The following CDH4 variants were observed in gnomAD, a reference collection of about 807,000 sequenced individuals.
CDH4 encodes the protein cadherin-4.
In CDH4, 33 loss-of-function variants were observed where a neutral mutation model predicts 86.0. The ratio of observed to expected loss-of-function variants is 0.38; its 90% CI spans 0.29 to 0.51. The LOEUF (loss-of-function observed/expected upper bound fraction) is 0.51. Ranked by LOEUF, CDH4 falls within the 20% of genes least tolerant of loss-of-function variation. The pLI, the probability that CDH4 is intolerant of heterozygous loss-of-function variation, is 0.86. For synonymous variants in CDH4, 555 were observed against 549.4 expected (o/e 1.01, Z -0.14); for missense variants, 1,114 against 1,307.4 (o/e 0.85, Z 2.28).
At chr20:61,481,054 T>G (rs894281399) in intron 2 of CDH4, among the ~76,000 whole-genome samples, 9 of 152,208 alleles carry the variant, frequency 5.9e-5, no homozygotes, top group African/African-American at 2.2e-4. Flanking sequence ...GTTAAGAACT[T>G]TGCCAAAGCT....
intron 2 of CDH4, among the ~76,000 whole-genome samples, chr20:61,699,321 C>T (rs554543925): frequency 1.3e-5 from 2 of 152,288 alleles, no homozygotes; most frequent in South Asian, 4.1e-4. Flanking sequence ...GGTGCTCACA[C>T]CTCGAACGCC....
chr20:61,888,885 T>G (rs1221893707), intron 7 of CDH4, among the ~76,000 whole-genome samples: 1 of 152,210 alleles, frequency 6.6e-6, no homozygotes, highest in Non-Finnish European at 1.5e-5. Context: ...CTCACTGGAC[T>G]CAGTCTTCCC....
At chr20:61,391,538 T>A (rs999647961) in intron 2 of CDH4, among the ~76,000 whole-genome samples, 4 of 128,950 alleles carry the variant, frequency 3.1e-5, no homozygotes, top group Non-Finnish European at 4.7e-5. Context: ...AGCAATTGTC[T>A]AAACAGAGGA....
intron 2 of CDH4, among the ~76,000 whole-genome samples, chr20:61,428,231 A>G (rs1022219718): frequency 9.2e-5 from 14 of 152,200 alleles, no homozygotes; most frequent in Non-Finnish European, 2.9e-5. Context: ...AGAAACATGC[A>G]GCACCTGGAA....
intron 2 of CDH4, among the ~76,000 whole-genome samples, chr20:61,329,729 A>G (rs371626800): frequency 2.6e-5 from 4 of 152,170 alleles, no homozygotes; most frequent in African/African-American, 9.7e-5. Flanking sequence ...TGTGTAGGAC[A>G]TGCAAGTTTG....
At chr20:61,871,212 C>G (rs928456497) in intron 6 of CDH4, among the ~76,000 whole-genome samples, 1 of 151,436 alleles carries the variant, frequency 6.6e-6, no homozygotes, top group Non-Finnish European at 1.5e-5. Flanking sequence ...TTTGTTTTAT[C>G]ATTTATCACA....
At chr20:61,715,715 C>T (rs542743580) in intron 2 of CDH4, among the ~76,000 whole-genome samples, 1 of 152,306 alleles carries the variant, frequency 6.6e-6, no homozygotes, top group Admixed American at 6.5e-5. Context: ...CTGGGGACCC[C>T]TGAGACTGAA....
At chr20:61,634,440 C>A (rs552141994) in intron 2 of CDH4, among the ~76,000 whole-genome samples, 29 of 152,328 alleles carry the variant, frequency 1.9e-4, no homozygotes, top group Non-Finnish European at 3.1e-4. Flanking sequence ...ACACCGGTGA[C>A]CCTGACTTCC....
intron 2 of CDH4, among the ~76,000 whole-genome samples, chr20:61,637,045 A>AG (rs2086954665): frequency 6.6e-6 from 1 of 152,170 alleles, no homozygotes; most frequent in Admixed American, 6.5e-5. Flanking sequence ...GGGGGCAGGC[A>AG]GGGGAGCCTC....
intron 2 of CDH4, among the ~76,000 whole-genome samples, chr20:61,548,464 A>C (rs1362619796): frequency 6.6e-6 from 1 of 152,106 alleles, no homozygotes; most frequent in East Asian, 1.9e-4. Context: ...AGATGTTGAG[A>C]TCAGTTCCCC....
At chr20:61,771,514 C>T (rs1335176754) in intron 3 of CDH4, among the ~76,000 whole-genome samples, 2 of 151,424 alleles carry the variant, frequency 1.3e-5, no homozygotes, top group African/African-American at 4.9e-5. Flanking sequence ...ATCCCAGCTA[C>T]TCAGGAGGCT....
chr20:61,453,723 G>A (rs1162878396), intron 2 of CDH4, among the ~76,000 whole-genome samples: 1 of 152,166 alleles, frequency 6.6e-6, no homozygotes. Context: ...TAATCTGAAA[G>A]ACCAAAAAGT....
intron 2 of CDH4, among the ~76,000 whole-genome samples, chr20:61,449,077 T>C (rs976967825): frequency 6.6e-6 from 1 of 152,014 alleles, no homozygotes; most frequent in Non-Finnish European, 1.5e-5. Flanking sequence ...GGGGAAGCAG[T>C]TGGGGATGGG....
intron 4 of CDH4, among the ~76,000 whole-genome samples, chr20:61,800,033 G>A (rs1318960023): frequency 2.6e-5 from 4 of 152,126 alleles, no homozygotes; most frequent in African/African-American, 7.2e-5. Context: ...CACAGTCACC[G>A]GGCCGGCTTC....
At chr20:61,693,846 C>G (rs1336462064) in intron 2 of CDH4, among the ~76,000 whole-genome samples, 2 of 150,680 alleles carry the variant, frequency 1.3e-5, no homozygotes, top group Non-Finnish European at 3.0e-5. Flanking sequence ...CTCCAAGTCA[C>G]CTTCCTACTG....
chr20:61,546,530 C>T (rs914031956), intron 2 of CDH4, among the ~76,000 whole-genome samples: 1 of 151,778 alleles, frequency 6.6e-6, no homozygotes, highest in African/African-American at 2.4e-5. Flanking sequence ...TAACTCAACT[C>T]CTCTGAAGTC....
chr20:61,473,804 C>T (rs2145571079), intron 2 of CDH4, among the ~76,000 whole-genome samples: 1 of 152,132 alleles, frequency 6.6e-6, no homozygotes, highest in East Asian at 1.9e-4. Context: ...CTCACAGACG[C>T]ACACAGACAC....
intron 2 of CDH4, among the ~76,000 whole-genome samples, chr20:61,696,841 G>A (rs906666258): frequency 6.6e-6 from 1 of 152,220 alleles, no homozygotes; most frequent in Admixed American, 6.5e-5. Flanking sequence ...AGAATCGCAA[G>A]ATGAGATCAT....
intron 2 of CDH4, among the ~76,000 whole-genome samples, chr20:61,534,326 A>T (rs2145645472): frequency 6.6e-6 from 1 of 152,320 alleles, no homozygotes; most frequent in South Asian, 2.1e-4. Context: ...TCGGGGCAGG[A>T]ACGACCACAC....
Sources: allele counts gnomAD v4.1 joint callset (sites outside exome capture counted in the v4.1 genomes callset), GRCh38; gene constraint gnomAD v4.1.1; transcripts MANE v1.5; gene names NCBI Gene and HGNC (gene_info 2026-07-23, HGNC 2026-07-21).